Variants in IQANK1 observed in about 807,000 individuals in gnomAD.
IQANK1 encodes IQ motif and ankyrin repeat domain-containing protein 1.
Under a neutral mutation model 22.6 loss-of-function variants are expected in IQANK1, and 30 were observed. The observed-to-expected ratio is 1.33, with a 90% CI of 0.99 to 1.80. IQANK1 has a LOEUF of 1.80. Among genes scored for constraint, IQANK1 ranks in the 40% most tolerant of loss-of-function variants. The pLI, the probability that IQANK1 is intolerant of heterozygous loss-of-function variation, is 0.00. For synonymous variants in IQANK1, 122 were observed against 99.6 expected (o/e 1.23, Z -1.34); for missense variants, 275 against 235.2 (o/e 1.17, Z -1.11).
chr8:143,787,828 G>A (rs1211465085), intron 7 of IQANK1, among the ~76,000 whole-genome samples: 4 of 151,798 alleles, frequency 2.6e-5, no homozygotes, highest in Admixed American at 6.6e-5. Context: ...CCGCTCACCC[G>A]CGCACCCCTA....
chr8:143,737,941 A>G (rs1363497537), intron 2 of IQANK1, among the ~76,000 whole-genome samples: 2 of 152,144 alleles, frequency 1.3e-5, no homozygotes, highest in African/African-American at 2.4e-5. Flanking sequence ...CCCCTGCTCC[A>G]CAGCCTTCCA....
intron 2 of IQANK1, among the ~76,000 whole-genome samples, chr8:143,737,670 C>T (rs1008593128): frequency 1.2e-4 from 18 of 152,208 alleles, no homozygotes; most frequent in Non-Finnish European, 7.4e-5. Flanking sequence ...TGCAGTGCTT[C>T]GAAGCCCTCA....
rs115529978 is a variant in IQANK1 at position 143,771,710 on chromosome 8, A to G, written c.307-91A>G. ...GGTGCGTGGTGGGGGTGAGGCTCAGATCGGGCTCCGACCTCAGAGGCGTGG... is the reference window on the plus strand; with the variant it reads ...GGTGCGTGGTGGGGGTGAGGCTCAGGTCGGGCTCCGACCTCAGAGGCGTGG... On this transcript the variant is annotated intron_variant, in intron 4 of 13. Transcript: ENST00000527139. The surrounding 1 kb of genome is among the most constrained non-coding windows in gnomAD (Gnocchi z 6.0). The G allele has an allele frequency of 3.6e-3, 1,431 of 396,764 alleles. 15 individuals carry two copies. Among genetic ancestry groups the G allele is most frequent in the African/African-American group, 0.025 (1,204 of 48,296 alleles). The allele number at this position is 396,764 out of a possible 1,614,324, so 24.6% of individuals were successfully genotyped here. A position where few individuals can be genotyped will look rare whatever the true frequency, so the allele number is the denominator to read the frequency against.
intron 7 of IQANK1, among the ~76,000 whole-genome samples, chr8:143,779,319 T>C (rs1819751169): frequency 6.6e-6 from 1 of 152,242 alleles, no homozygotes; most frequent in South Asian, 2.1e-4. Flanking sequence ...AAAGAAGGAC[T>C]GTGTCTCGTT....
chr8:143,735,844 C>T lies in IQANK1; in HGVS notation c.-4-6C>T, dbSNP rs1554625587. On this transcript the variant is annotated splice_region_variant and splice_polypyrimidine_tract_variant and intron_variant, in intron 1 of 13. Transcript: ENST00000527139. This position sits in a 1 kb window ranked among gnomAD's most constrained non-coding sequence, Gnocchi z 5.2. ...TCTCCCTGGTCCTTCCCTACCCACCCCCCAGGAGAATGGACAGTAAGAAGG... is the reference window on the plus strand; with the variant it reads ...TCTCCCTGGTCCTTCCCTACCCACCTCCCAGGAGAATGGACAGTAAGAAGG... 1.1e-5 allele frequency: 8 copies of T among 702,644 alleles called. No individual in the cohort carries two copies. Among genetic ancestry groups the T allele is most frequent in the Admixed American group, 2.0e-5 (1 of 50,000 alleles). The allele number at this position is 702,644 out of a possible 1,614,324, so 43.5% of individuals were successfully genotyped here. A position where few individuals can be genotyped will look rare whatever the true frequency, so the allele number is the denominator to read the frequency against.
At chr8:143,742,601 G>A (rs1190607306) in intron 3 of IQANK1, 1 of 455,970 alleles carries the variant, frequency 2.2e-6, no homozygotes, top group Non-Finnish European at 4.4e-6. Flanking sequence ...AACCCAGCCT[G>A]GGAAGGCAGC....
At position 143,735,925 on chromosome 8, in the gene IQANK1, A is replaced by T. The variant is rs978110638; in HGVS notation, c.72A>T (p.Thr24=). The change falls in exon 2 of 14, where the codon ACA becomes ACT. Residue 24 remains threonine (T), a synonymous_variant. Coordinates refer to ENST00000527139, the MANE Select transcript of IQANK1 (RefSeq NM_001381874.1). This position sits in a 1 kb window ranked among gnomAD's most constrained non-coding sequence, Gnocchi z 5.2. The part of the protein sequence containing the change: ...KWQTLHPGPK[T]RAAAGKPGEN... ...AGACGCTCCACCCTGGGCCCAAGAC[A>T]AGAGCTGCTGCTGGTAAGTGCACCC... 6 of 702,214 alleles carry T rather than the reference A, an allele frequency of 8.5e-6. No homozygotes were observed. The highest frequency in any genetic ancestry group is 1.6e-5 in the Non-Finnish European group (6 of 384,796). 43.5% of individuals were successfully genotyped at this position (702,214 alleles called of 1,614,324 possible).
intron 3 of IQANK1, among the ~76,000 whole-genome samples, chr8:143,740,416 CAA>C (rs1818874612): frequency 6.6e-6 from 1 of 152,220 alleles, no homozygotes; most frequent in Non-Finnish European, 1.5e-5. Flanking sequence ...GTCGGCCGCT[CAA>C]ACCTTCCTCC....
chr8:143,753,331 A>T, intron 3 of IQANK1, among the ~76,000 whole-genome samples: 1 of 150,208 alleles, frequency 6.7e-6, no homozygotes. Flanking sequence ...TAATATTTCC[A>T]TTTCATTCAT....
intron 3 of IQANK1, among the ~76,000 whole-genome samples, chr8:143,754,871 C>A (rs1554628365): frequency 1.3e-5 from 2 of 152,130 alleles, no homozygotes; most frequent in Non-Finnish European, 1.5e-5. Context: ...CATGATCCGC[C>A]CACCTCGGCC....
intron 7 of IQANK1, among the ~76,000 whole-genome samples, chr8:143,773,056 A>T (rs1563777304): frequency 6.6e-6 from 1 of 152,166 alleles, no homozygotes; most frequent in South Asian, 2.1e-4. Flanking sequence ...CTGTAATCTC[A>T]GCACTTTTGG....
intron 3 of IQANK1, among the ~76,000 whole-genome samples, chr8:143,764,945 TC>T (rs1173846908): frequency 6.6e-6 from 1 of 152,174 alleles, no homozygotes; most frequent in African/African-American, 2.4e-5. Context: ...CACTATTGCA[TC>T]CCCACCTAAC....
At chr8:143,775,179 G>A (rs1033412436) in intron 7 of IQANK1, among the ~76,000 whole-genome samples, 58 of 152,114 alleles carry the variant, frequency 3.8e-4, no homozygotes, top group Non-Finnish European at 4.3e-4. Flanking sequence ...ATTGTACTAT[G>A]TCAGTATCCT....
rs1027444206 is a variant in IQANK1 at position 143,774,576 on chromosome 8, C to T, written c.789+2094C>T. Among the ~76,000 whole-genome samples, 3 of 152,268 alleles carry T rather than the reference C, an allele frequency of 2.0e-5. No homozygotes were observed. The highest frequency in any genetic ancestry group is 6.5e-5 in the Admixed American group (1 of 15,296). ...TGGGGGGACGCAGCACCAGTACAGC[C>T]GCTCTTGCAAATAGGCAGGCGGTTT... On this transcript the variant is annotated intron_variant, in intron 7 of 13. Coordinates refer to ENST00000527139, the MANE Select transcript of IQANK1 (RefSeq NM_001381874.1). This position sits in a 1 kb window ranked among gnomAD's most constrained non-coding sequence, Gnocchi z 4.2.
rs1237383118 is a variant in IQANK1, at chr8:143,771,074, C to A, written c.176-414C>A. 2.0e-5 allele frequency among the ~76,000 whole-genome samples: 3 copies of A among 152,244 alleles called. No individual in the cohort carries two copies. Among genetic ancestry groups the A allele is most frequent in the African/African-American group, 7.2e-5 (3 of 41,470 alleles). On this transcript the variant is annotated intron_variant, in intron 3 of 13. Transcript: ENST00000527139. The surrounding 1 kb of genome is among the most constrained non-coding windows in gnomAD (Gnocchi z 6.0). ...CTGAGTCCAGCGGGGCTGTGATGAGCCCTCCCAGGCCTGGGGCCCCCCCGC... is the reference window on the plus strand; with the variant it reads ...CTGAGTCCAGCGGGGCTGTGATGAGACCTCCCAGGCCTGGGGCCCCCCCGC...
At chr8:143,780,304 T>C (rs1057215101) in intron 7 of IQANK1, among the ~76,000 whole-genome samples, 6 of 152,206 alleles carry the variant, frequency 3.9e-5, no homozygotes, top group Non-Finnish European at 5.9e-5. Context: ...ACAAAGAAAC[T>C]TAAGCACAGA....
intron 7 of IQANK1, among the ~76,000 whole-genome samples, chr8:143,778,553 G>A (rs1403827335): frequency 6.6e-6 from 1 of 152,144 alleles, no homozygotes; most frequent in African/African-American, 2.4e-5. Flanking sequence ...ATCCACAATG[G>A]TAATAGGCGA....
At chr8:143,760,422 TC>T (rs1214188803) in intron 3 of IQANK1, 1 of 151,196 alleles carries the variant, frequency 6.6e-6, no homozygotes, top group Non-Finnish European at 1.5e-5. Flanking sequence ...ACGCCTGTAA[TC>T]CCAGCTCTTT....
intron 3 of IQANK1, among the ~76,000 whole-genome samples, chr8:143,768,312 G>A (rs1255807035): frequency 2.0e-5 from 3 of 152,250 alleles, no homozygotes; most frequent in African/African-American, 2.4e-5. Flanking sequence ...CGATCACTTA[G>A]TAGGAGGGTT....
Sources: allele counts gnomAD v4.1 joint callset (sites outside exome capture counted in the v4.1 genomes callset), GRCh38; gene constraint gnomAD v4.1.1; non-coding constraint Gnocchi (gnomAD v3.1); transcripts MANE v1.5; gene names NCBI Gene and HGNC (gene_info 2026-07-23, HGNC 2026-07-21).